The following WWOX variants were observed in gnomAD, a reference collection of about 807,000 sequenced individuals.
WWOX encodes WW domain containing oxidoreductase, also known as WW domain-containing oxidoreductase.
WWOX carries 69 observed loss-of-function variants against 46.2 expected under a neutral mutation model. That is an observed-to-expected ratio of 1.49 (90% CI 1.23 to 1.82). WWOX has a LOEUF of 1.82. Ranked by LOEUF, WWOX falls within the 40% of genes most tolerant of loss-of-function variation. The pLI is 0.00. For synonymous variants in WWOX, 359 were observed against 202.6 expected, an observed-to-expected ratio of 1.77 and a Z score of -6.56; for missense variants, 919 against 542.6, an observed-to-expected ratio of 1.69 and a Z score of -6.89.
Position 78,171,903 on chromosome 16 carries a change from G to A in WWOX, c.516+7614G>A, listed in dbSNP as rs377762027. ...GCAAAATGTCCTATTATTGTCACCT[G>A]CAGGTGGGGGGTTGGATATTCCTAT... On this transcript the variant is annotated intron_variant, in intron 5 of 8. Coordinates refer to ENST00000566780, the MANE Select transcript of WWOX (RefSeq NM_016373.4). Among the ~76,000 whole-genome samples the A allele has an allele frequency of 2.6e-5, 4 of 152,322 alleles. 1 individual carries two copies. The highest frequency in any genetic ancestry group is 7.2e-5 in the African/African-American group (3 of 41,570).
intron 8 of WWOX, among the ~76,000 whole-genome samples, chr16:78,707,821 C>T (rs146246935): frequency 0.013 from 1,978 of 148,816 alleles, 42 homozygotes; most frequent in African/African-American, 0.047. Flanking sequence ...TGCTAGAGAG[C>T]GAGACTCTGT....
At chr16:78,975,761 G>C (rs909704042) in intron 8 of WWOX, among the ~76,000 whole-genome samples, 1 of 152,118 alleles carries the variant, frequency 6.6e-6, no homozygotes, top group Non-Finnish European at 1.5e-5. Flanking sequence ...GGCAAGCGGA[G>C]GTCATGATGG....
At chr16:79,082,181 G>A (rs2048772902) in intron 8 of WWOX, among the ~76,000 whole-genome samples, 4 of 152,180 alleles carry the variant, frequency 2.6e-5, no homozygotes, top group Non-Finnish European at 4.4e-5. Context: ...CTGATTCCCT[G>A]ACACTCACCT....
intron 8 of WWOX, among the ~76,000 whole-genome samples, chr16:79,126,094 C>A (rs1421533242): frequency 6.6e-6 from 1 of 152,018 alleles, no homozygotes. Context: ...ACATAATGTG[C>A]CCTGGAGTTT....
intron 8 of WWOX, among the ~76,000 whole-genome samples, chr16:78,889,868 G>C (rs1448751102): frequency 6.6e-6 from 1 of 152,138 alleles, no homozygotes; most frequent in Non-Finnish European, 1.5e-5. Flanking sequence ...AAAGTCCATA[G>C]TTTATGATGA....
chr16:78,544,901 G>C (rs1055225817), intron 8 of WWOX, among the ~76,000 whole-genome samples: 1 of 151,890 alleles, frequency 6.6e-6, no homozygotes, highest in Non-Finnish European at 1.5e-5. Context: ...TTATGGCCAG[G>C]GGTGGTGGCT....
At chr16:78,164,090 G>T in intron 4 of WWOX, 93 bp from the exon 5 acceptor site, 1 of 1,166,956 alleles carries the variant, frequency 8.6e-7, no homozygotes, top group South Asian at 1.3e-5. Context: ...GAGAACTTGG[G>T]GTAATTTAAG....
At chr16:78,638,318 G>C (rs954897473) in intron 8 of WWOX, among the ~76,000 whole-genome samples, 14 of 152,318 alleles carry the variant, frequency 9.2e-5, no homozygotes, top group African/African-American at 3.4e-4. Flanking sequence ...CCAGGAGTCT[G>C]TGTTTGTTCT....
intron 8 of WWOX, among the ~76,000 whole-genome samples, chr16:79,007,692 T>G (rs2047217398): frequency 1.3e-5 from 2 of 152,188 alleles, no homozygotes; most frequent in Admixed American, 1.3e-4. Flanking sequence ...AGAAGTAGAT[T>G]TCATCAAGTG....
At chr16:79,179,132 C>G (rs1372942740) in intron 8 of WWOX, among the ~76,000 whole-genome samples, 7 of 152,196 alleles carry the variant, frequency 4.6e-5, no homozygotes, top group African/African-American at 1.4e-4. Flanking sequence ...CTCATCATCT[C>G]ATTTAAACTC....
intron 8 of WWOX, among the ~76,000 whole-genome samples, chr16:78,915,135 A>T (rs2045217408): frequency 6.6e-6 from 1 of 152,122 alleles, no homozygotes; most frequent in African/African-American, 2.4e-5. Context: ...CTCCTGCTGC[A>T]ATTAAAAAAT....
intron 8 of WWOX, among the ~76,000 whole-genome samples, chr16:79,102,727 G>T (rs149334168): frequency 3.4e-4 from 52 of 152,300 alleles, no homozygotes; most frequent in African/African-American, 1.2e-3. Context: ...TATCTCGGAG[G>T]TTCTGAAGCT....
At chr16:79,025,374 A>G (rs751538126) in intron 8 of WWOX, among the ~76,000 whole-genome samples, 1 of 152,342 alleles carries the variant, frequency 6.6e-6, no homozygotes, top group Non-Finnish European at 1.5e-5. Flanking sequence ...GTCTTTGCAG[A>G]TAAGTTCAGT....
At chr16:78,789,248 C>G (rs115355257) in intron 8 of WWOX, among the ~76,000 whole-genome samples, 2,197 of 152,254 alleles carry the variant, frequency 0.014, 57 homozygotes, top group African/African-American at 0.05. Context: ...GAAACCACCC[C>G]TCTATTTTCT....
chr16:78,160,165 C>G (rs1363123784), intron 4 of WWOX, among the ~76,000 whole-genome samples: 2 of 151,764 alleles, frequency 1.3e-5, no homozygotes, highest in Non-Finnish European at 2.9e-5. Context: ...ATCTTGGATG[C>G]TTAGATCATC....
At chr16:79,177,242 C>A (rs181043528) in intron 8 of WWOX, among the ~76,000 whole-genome samples, 5 of 152,252 alleles carry the variant, frequency 3.3e-5, no homozygotes, top group Admixed American at 1.3e-4. Context: ...CCGCGAGTGC[C>A]GTTGTGGCCG....
intron 8 of WWOX, among the ~76,000 whole-genome samples, chr16:78,921,055 C>A (rs557148807): frequency 6.6e-6 from 1 of 152,090 alleles, no homozygotes. Context: ...ACATTTCCAA[C>A]CAGATTTTGT....
At chr16:78,360,324 G>A (rs2081382805) in intron 5 of WWOX, among the ~76,000 whole-genome samples, 1 of 152,022 alleles carries the variant, frequency 6.6e-6, no homozygotes, top group African/African-American at 2.4e-5. Context: ...AGTGGCTCAT[G>A]CCTGTAATCC....
At chr16:79,029,175 A>G (rs763863699) in intron 8 of WWOX, among the ~76,000 whole-genome samples, 1 of 152,178 alleles carries the variant, frequency 6.6e-6, no homozygotes, top group Non-Finnish European at 1.5e-5. Flanking sequence ...TGGAGGCCCC[A>G]GGCTGGGACT....
Sources: allele counts gnomAD v4.1 joint callset (sites outside exome capture counted in the v4.1 genomes callset), GRCh38; gene constraint gnomAD v4.1.1; transcripts MANE v1.5; gene names NCBI Gene and HGNC (gene_info 2026-07-23, HGNC 2026-07-21).